The following RORA variants were observed in gnomAD, a reference collection of about 807,000 sequenced individuals.
The protein encoded by RORA is RAR related orphan receptor A.
Under a neutral mutation model 69.5 loss-of-function variants are expected in RORA, and 7 were observed. That is an observed-to-expected ratio of 0.10 (90% CI 0.06 to 0.19). RORA has a LOEUF of 0.19. Ranked by LOEUF, RORA falls within the 10% of genes least tolerant of loss-of-function variation. The probability of loss-of-function intolerance (pLI) is 1.00; values close to 1 mark genes in which losing one functional copy is unlikely to be tolerated. For synonymous variants in RORA, 261 were observed against 240.8 expected (o/e 1.08, Z -0.78); for missense variants, 457 against 663.0 (o/e 0.69, Z 3.41).
intron 1 of RORA, among the ~76,000 whole-genome samples, chr15:61,038,509 C>T (rs1159996600): frequency 1.1e-4 from 16 of 152,134 alleles, no homozygotes; most frequent in Non-Finnish European, 2.1e-4. Flanking sequence ...TGTCAGCTGC[C>T]GTTATCAGCC....
Position 60,827,024 on chromosome 15 carries a change from A to G in RORA, c.167-148338T>C, listed in dbSNP as rs77104076. ...TATAATATCAAGTTCTTGTAGGAGT[A>G]TAACATTAAGCCCAGTTGAAAAACA... is the stretch of plus-strand genomic sequence containing the variant. On this transcript the variant is annotated intron_variant, in intron 1 of 10. Coordinates refer to ENST00000335670, the MANE Select transcript of RORA (RefSeq NM_134261.3). 5.7e-3 allele frequency among the ~76,000 whole-genome samples: 874 copies of G among 152,274 alleles called. 8 individuals carry two copies. Among genetic ancestry groups the G allele is most frequent in the African/African-American group, 0.02 (831 of 41,530 alleles).
At chr15:61,158,011 C>G (rs925543563) in intron 1 of RORA, among the ~76,000 whole-genome samples, 3 of 152,184 alleles carry the variant, frequency 2.0e-5, no homozygotes, top group African/African-American at 7.2e-5. Context: ...CAGTTCAATT[C>G]ATGAGAGGAC....
intron 1 of RORA, among the ~76,000 whole-genome samples, chr15:60,872,695 T>C (rs1192607388): frequency 2.0e-5 from 3 of 152,218 alleles, no homozygotes; most frequent in South Asian, 2.1e-4. Flanking sequence ...TCCAATTAAC[T>C]AGTTCTTTCC....
chr15:61,135,308 G>A lies in RORA; in HGVS notation c.166+93745C>T, dbSNP rs186448158. Among the ~76,000 whole-genome samples the A allele has an allele frequency of 3.5e-3, 529 of 152,002 alleles. 4 individuals carry two copies. The highest frequency in any genetic ancestry group is 4.9e-3 in the Non-Finnish European group (332 of 67,970). The stretch of plus-strand genomic sequence containing the variant: ...ATTATGCCACCACACTCCAGCCTGC[G>A]CTACAGAGAGAGACTCTGTCTCAAA... On this transcript the variant is annotated intron_variant, in intron 1 of 10. Transcript: ENST00000335670.
chr15:61,121,751 A>C (rs139147231), intron 1 of RORA, among the ~76,000 whole-genome samples: 1 of 151,936 alleles, frequency 6.6e-6, no homozygotes, highest in Non-Finnish European at 1.5e-5. Flanking sequence ...AGAAAATGAC[A>C]ATTCAGAACA....
chr15:60,727,200 G>GT (rs2071371173), intron 1 of RORA, among the ~76,000 whole-genome samples: 1 of 152,096 alleles, frequency 6.6e-6, no homozygotes, highest in South Asian at 2.1e-4. Context: ...GTTTTGTTTT[G>GT]TTTTTTGGCA....
At chr15:60,971,609 T>A (rs1221291398) in intron 1 of RORA, among the ~76,000 whole-genome samples, 2 of 152,258 alleles carry the variant, frequency 1.3e-5, no homozygotes, top group African/African-American at 4.8e-5. Context: ...TTCCCCTGTA[T>A]CATTCTCGAC....
chr15:61,175,545 A>T (rs78385872), intron 1 of RORA, among the ~76,000 whole-genome samples: 217 of 53,968 alleles, frequency 4.0e-3, no homozygotes, highest in Middle Eastern at 0.01. Context: ...TGTTTCTAAA[A>T]AAAAAAAAAA....
At chr15:60,520,054 T>C (rs1223361961) in intron 3 of RORA, 3 of 152,074 alleles carry the variant, frequency 2.0e-5, no homozygotes, top group African/African-American at 4.8e-5. Context: ...TTTTGAGGAT[T>C]TGGGGAAAGC....
Position 61,226,150 on chromosome 15 carries a change from C to G in RORA, c.166+2903G>C, listed in dbSNP as rs920566208. Among the ~76,000 whole-genome samples the G allele has an allele frequency of 6.6e-6, 1 of 152,152 alleles. No homozygotes were observed. The highest frequency in any genetic ancestry group is 1.5e-5 in the Non-Finnish European group (1 of 68,026). ...CTACCTAGGTAATGTCTCATGAGGT[C>G]ACTGCAATGTCATGAGAATTCAGAC... On this transcript the variant is annotated intron_variant, in intron 1 of 10. Coordinates refer to ENST00000335670, the MANE Select transcript of RORA (RefSeq NM_134261.3). The surrounding 1 kb of genome is among the most constrained non-coding windows in gnomAD (Gnocchi z 4.2).
intron 1 of RORA, among the ~76,000 whole-genome samples, chr15:61,090,225 A>G (rs718911): frequency 0.16 from 24,252 of 152,212 alleles, 2,707 homozygotes; most frequent in African/African-American, 0.3. Flanking sequence ...GTCAGGCTGC[A>G]TGAATCACTT....
Position 60,661,821 on chromosome 15 carries a change from A to G in RORA, c.196+16836T>C, listed in dbSNP as rs138785505. On this transcript the variant is annotated intron_variant, in intron 2 of 10. Transcript: ENST00000335670. ...CAGCCCTTGTCCAGAACTACCTGGT[A>G]TCTCAAGCTTCTGGTCCCAGAGGGA... Among the ~76,000 whole-genome samples, 32 of 152,308 alleles carry G rather than the reference A, an allele frequency of 2.1e-4. No homozygotes were observed. The South Asian group carries it at 2.5e-3, about 12-fold the overall frequency.
chr15:60,863,011 T>A (rs776296189), intron 1 of RORA, among the ~76,000 whole-genome samples: 1 of 152,174 alleles, frequency 6.6e-6, no homozygotes, highest in African/African-American at 2.4e-5. Flanking sequence ...CAAGACTGAG[T>A]CTTGCTATAT....
At chr15:60,757,000 T>A (rs1457730829) in intron 1 of RORA, among the ~76,000 whole-genome samples, 2 of 152,218 alleles carry the variant, frequency 1.3e-5, no homozygotes, top group East Asian at 3.8e-4. Context: ...TGTAATAAAA[T>A]CTTTAATATA....
chr15:61,075,501 T>C (rs902783849), intron 1 of RORA, among the ~76,000 whole-genome samples: 2 of 152,206 alleles, frequency 1.3e-5, no homozygotes, highest in Non-Finnish European at 2.9e-5. Context: ...TTCTCATTGG[T>C]AGGGCACCTT....
intron 1 of RORA, among the ~76,000 whole-genome samples, chr15:60,799,218 T>C (rs923393087): frequency 6.6e-6 from 1 of 152,158 alleles, no homozygotes; most frequent in Non-Finnish European, 1.5e-5. Flanking sequence ...TAATTTATCT[T>C]AAGGTGTCAG....
intron 1 of RORA, among the ~76,000 whole-genome samples, chr15:61,196,830 G>A (rs892363967): frequency 4.6e-5 from 7 of 152,162 alleles, no homozygotes; most frequent in Non-Finnish European, 8.8e-5. Flanking sequence ...CCCGTGCAGC[G>A]CATCAAACGG....
intron 1 of RORA, among the ~76,000 whole-genome samples, chr15:61,019,922 C>T (rs891026556): frequency 1.3e-4 from 20 of 152,138 alleles, no homozygotes; most frequent in African/African-American, 4.6e-4. Context: ...ATTTCTGCTC[C>T]GACACCAACT....
chr15:60,720,491 G>A (rs887742095), intron 1 of RORA, among the ~76,000 whole-genome samples: 1 of 152,120 alleles, frequency 6.6e-6, no homozygotes, highest in Non-Finnish European at 1.5e-5. Flanking sequence ...CATCCTCATT[G>A]GTGGCTACTT....
Sources: allele counts gnomAD v4.1 joint callset (sites outside exome capture counted in the v4.1 genomes callset), GRCh38; gene constraint gnomAD v4.1.1; non-coding constraint Gnocchi (gnomAD v3.1); transcripts MANE v1.5; gene names NCBI Gene and HGNC (gene_info 2026-07-23, HGNC 2026-07-21).